The following ZNF142 variants were observed in gnomAD, a reference collection of about 807,000 sequenced individuals.
The protein encoded by ZNF142 is zinc finger protein 142 (clone pHZ-49).
ZNF142 carries 96 observed loss-of-function variants against 132.1 expected under a neutral mutation model. The ratio of observed to expected loss-of-function variants is 0.73; its 90% CI spans 0.62 to 0.86. The LOEUF (loss-of-function observed/expected upper bound fraction) is 0.86, where lower values mean the gene tolerates loss of function less well. Ranked by LOEUF, ZNF142 falls within the 40% of genes least tolerant of loss-of-function variation. The probability of loss-of-function intolerance (pLI) is 0.00; values close to 1 mark genes in which losing one functional copy is unlikely to be tolerated. For missense variants in ZNF142, 2,163 were observed against 2,336.2 expected (o/e 0.93, Z 1.53); for synonymous variants, 842 against 890.1 (o/e 0.95, Z 0.96).
chr2:218,645,623 A>G (rs1697664753), intron 8 of ZNF142, among the ~76,000 whole-genome samples: 1 of 152,204 alleles, frequency 6.6e-6, no homozygotes, highest in Non-Finnish European at 1.5e-5. Flanking sequence ...CTCTAGGCCT[A>G]TACTGTAGGT....
At position 218,636,548 on chromosome 2, in the gene ZNF142, C is replaced by CA. The variant is rs1297203682; in HGVS notation, c.*1790dup. ...TTCCATCTTTGTGTATATCTGCATC[C>CA]AGGAAGGCCTGGAGGGGGATGAGTC... On this transcript the variant is annotated 3_prime_UTR_variant, in exon 11 of 11. Coordinates refer to ENST00000411696, the MANE Select transcript of ZNF142 (RefSeq NM_001379659.1). 1.2e-6 allele frequency: 2 copies of CA among 1,613,970 alleles called. No homozygotes were observed. Among genetic ancestry groups the CA allele is most frequent in the Non-Finnish European group, 1.7e-6 (2 of 1,179,888 alleles).
In ZNF142 at chr2:218,644,064, A is replaced by G. The variant is rs1034615802; in HGVS notation, c.3052T>C (p.Leu1018=). Residue 1018 remains leucine (L), a synonymous_variant, in exon 9 of 11, where the codon TTG becomes CTG. Transcript: ENST00000411696. The surrounding 1 kb of genome is among the most constrained non-coding windows in gnomAD (Gnocchi z 4.6). ...ATCTGCACCCGCCCCTCTAGCACCA[A>G]TGCCTCTGCTTGTTCTTTGTCCTGT... ...RRQDKEQAEA[L]VLEGRVQMVV... is the part of the protein sequence containing the mutation. The G allele has an allele frequency of 1.9e-6, 3 of 1,613,968 alleles. No individual in the cohort carries two copies. Among genetic ancestry groups the G allele is most frequent in the African/African-American group, 1.3e-5 (1 of 74,968 alleles).
rs939598482 is a variant in ZNF142 at position 218,635,824 on chromosome 2, T to C, written c.*2515A>G. 45 of 1,613,470 alleles carry C rather than the reference T, an allele frequency of 2.8e-5. No individual in the cohort carries two copies. Among genetic ancestry groups the C allele is most frequent in the Admixed American group, 3.3e-5 (2 of 59,944 alleles). On this transcript the variant is annotated 3_prime_UTR_variant, in exon 11 of 11. Transcript: ENST00000411696. Reference sequence around the variant, plus strand: ...ATCAGCGGTCAGCAACTCCCCAAAGTGGACAAGACCAAAGAGGGGTCCATT... The same window carrying C: ...ATCAGCGGTCAGCAACTCCCCAAAGCGGACAAGACCAAAGAGGGGTCCATT...
Position 218,650,414 on chromosome 2 carries a change from G to A in ZNF142, c.993C>T (p.Thr331=). The A allele has an allele frequency of 6.2e-7, 1 of 1,614,088 alleles. No homozygotes were observed. The highest frequency in any genetic ancestry group is 8.5e-7 in the Non-Finnish European group (1 of 1,180,012). ...CCACAGCCTTTTGGGAGTCCTTCTG[G>A]GTGTCACTCTTCTCTTCTTTCTCTA... ...ENVEKEEKSD[T]QKDSQKAVDK... is the part of the protein sequence containing the mutation. The change falls in exon 6 of 11, where the codon ACC becomes ACT. Residue 331 remains threonine, a synonymous_variant. Transcript: ENST00000411696.
rs768672820 is a variant in ZNF142 at position 218,643,991 on chromosome 2, G to A, written c.3125C>T (p.Pro1042Leu). 1.7e-5 allele frequency: 28 copies of A among 1,614,028 alleles called. No homozygotes were observed. In the East Asian group the frequency reaches 5.8e-4, roughly 33 times the overall value. Residue 1042 changes from proline (P) to leucine (L), a missense_variant, in exon 9 of 11, where the codon CCT (proline) becomes CTT (leucine). Pro to Leu is a moderately conservative substitution (Grantham distance 98). This residue lies in a region of ZNF142 where 809 missense variants were observed against 801.7 expected (regional missense o/e 1.01). Transcript: ENST00000411696. ...EGRAFRCPHC[P>L]FITRREKALN... is the part of the protein sequence containing the mutation. ...GGCCTTCTCCCGGCGAGTGATAAAAGGGCAGTGTGGGCAGCGGAAGGCTCG... is the reference window on the plus strand; with the variant it reads ...GGCCTTCTCCCGGCGAGTGATAAAAAGGCAGTGTGGGCAGCGGAAGGCTCG...
Position 218,643,725 on chromosome 2 carries a change from G to C in ZNF142, c.3391C>G (p.Gln1131Glu), listed in dbSNP as rs573632852. ...TTTGGAAGCAGTAGCTCTGCTTCTT[G>C]TGATGCAGGTGGGGGCTTCCCACTT... ...TESGKPPPAS[Q>E]EAELLLPKDA... Residue 1131 changes from glutamine to glutamate, a missense_variant, in exon 9 of 11, where the codon CAA becomes GAA. Transcript: ENST00000411696. 3.7e-6 allele frequency: 6 copies of C among 1,605,858 alleles called. No individual in the cohort carries two copies. The East Asian group carries it at 1.3e-4, about 36-fold the overall frequency.
intron 5 of ZNF142, among the ~76,000 whole-genome samples, chr2:218,651,311 C>G (rs1475446658): frequency 1.3e-5 from 2 of 152,188 alleles, no homozygotes; most frequent in Non-Finnish European, 2.9e-5. Flanking sequence ...TAAAATAACC[C>G]TGGCTTCTAC....
chr2:218,646,490 C>CAAA (rs1697743327), intron 7 of ZNF142, 142 bp from the exon 8 acceptor site: 2 of 930,176 alleles, frequency 2.2e-6, no homozygotes, highest in Non-Finnish European at 3.1e-6. Flanking sequence ...GAAAACCTCA[C>CAAA]AATAATAAAG....
At chr2:218,655,799 G>A (rs1399656746) in intron 4 of ZNF142, among the ~76,000 whole-genome samples, 2 of 152,184 alleles carry the variant, frequency 1.3e-5, no homozygotes, top group Non-Finnish European at 2.9e-5. Context: ...ATCCCTGGCT[G>A]CAGTTCCTGG....
Position 218,637,685 on chromosome 2 carries a change from C to A in ZNF142, c.*654G>T, listed in dbSNP as rs984499494. On this transcript the variant is annotated 3_prime_UTR_variant, in exon 11 of 11. Coordinates refer to ENST00000411696, the MANE Select transcript of ZNF142 (RefSeq NM_001379659.1). ...GGAGGCTTAGTGGGTAGCAATCCTC[C>A]CTCTATAGATACAGGTAGACAAAGG... 1.3e-5 allele frequency among the ~76,000 whole-genome samples: 2 copies of A among 152,062 alleles called. No individual in the cohort carries two copies. The highest frequency in any genetic ancestry group is 2.4e-5 in the African/African-American group (1 of 41,396).
intron 7 of ZNF142, among the ~76,000 whole-genome samples, chr2:218,647,860 T>G (rs963325784): frequency 6.6e-6 from 1 of 152,200 alleles, no homozygotes; most frequent in Non-Finnish European, 1.5e-5. Context: ...AGTTTGTCTC[T>G]TTTCTCATCT....
At chr2:218,658,212 T>A (rs1005321294) in intron 3 of ZNF142, among the ~76,000 whole-genome samples, 1 of 152,052 alleles carries the variant, frequency 6.6e-6, no homozygotes, top group African/African-American at 2.4e-5. Flanking sequence ...CTTCATGAAA[T>A]TGAGTCACAG....
intron 7 of ZNF142, among the ~76,000 whole-genome samples, chr2:218,647,751 C>T (rs987143807): frequency 6.6e-6 from 1 of 152,146 alleles, no homozygotes; most frequent in Non-Finnish European, 1.5e-5. Context: ...TCCTTGTTGT[C>T]CCTGCCCACT....
chr2:218,651,778 T>C lies in ZNF142; in HGVS notation c.803A>G (p.His268Arg). 1 of 1,289,874 alleles carries C rather than the reference T, an allele frequency of 7.8e-7. No individual in the cohort carries two copies. The highest frequency in any genetic ancestry group is 1.0e-6 in the Non-Finnish European group (1 of 988,886). The allele number at this position is 1,289,874 out of a possible 1,614,324, so 79.9% of individuals were successfully genotyped here. Residue 268 changes from histidine to arginine, a missense_variant, in exon 5 of 11, where the codon CAT (histidine) becomes CGT (arginine). Coordinates refer to ENST00000411696, the MANE Select transcript of ZNF142 (RefSeq NM_001379659.1). ...IGSNVKLFRQ[H>R]QRSHGAGTQG... ...TGTCCCAGCACCATGGCTCCGCTGATGCTGCCGGAAGAGTTTGACGTTGGA... is the reference window on the plus strand; with the variant it reads ...TGTCCCAGCACCATGGCTCCGCTGACGCTGCCGGAAGAGTTTGACGTTGGA...
chr2:218,637,441 A>C lies in ZNF142; in HGVS notation c.*898T>G, dbSNP rs533057170. ...GTCTGTTGTCCCAGCATAATTATTAATAGTACCCTCTTTAAGTTTTCCCAG... is the reference window on the plus strand; with the variant it reads ...GTCTGTTGTCCCAGCATAATTATTACTAGTACCCTCTTTAAGTTTTCCCAG... On this transcript the variant is annotated 3_prime_UTR_variant, in exon 11 of 11. Transcript: ENST00000411696. Among the ~76,000 whole-genome samples the C allele has an allele frequency of 6.6e-6, 1 of 152,350 alleles. No individual in the cohort carries two copies. Among genetic ancestry groups the C allele is most frequent in the South Asian group, 2.1e-4 (1 of 4,820 alleles).
Position 218,638,229 on chromosome 2 carries a change from AC to A in ZNF142, c.*109del. Reference sequence around the variant, plus strand: ...CCAGGAAGGTTCTAGTCACCCTTGTACCCCAAAAGCCAGTCTTTCCTTAGGC... The same window carrying A: ...CCAGGAAGGTTCTAGTCACCCTTGTACCCAAAAGCCAGTCTTTCCTTAGGC... On this transcript the variant is annotated 3_prime_UTR_variant, in exon 11 of 11. Transcript: ENST00000411696. 2 of 1,125,134 alleles carry A rather than the reference AC, an allele frequency of 1.8e-6. No homozygotes were observed. The highest frequency in any genetic ancestry group is 3.2e-5 in the African/African-American group (2 of 63,260). 69.7% of individuals were successfully genotyped at this position (1,125,134 alleles called of 1,614,324 possible). A position where few individuals can be genotyped will look rare whatever the true frequency, so the allele number is the denominator to read the frequency against.
At chr2:218,653,078 A>G (rs1407390092) in intron 4 of ZNF142, among the ~76,000 whole-genome samples, 6 of 152,124 alleles carry the variant, frequency 3.9e-5, no homozygotes, top group African/African-American at 1.2e-4. Context: ...CAGGAGATCG[A>G]GACCATCCTG....
Position 218,635,738 on chromosome 2 carries a change from G to A in ZNF142, c.*2601C>T. 6.4e-7 allele frequency: 1 copy of A among 1,568,374 alleles called. No homozygotes were observed. Among genetic ancestry groups the A allele is most frequent in the Non-Finnish European group, 8.7e-7 (1 of 1,155,568 alleles). On this transcript the variant is annotated 3_prime_UTR_variant, in exon 11 of 11. Transcript: ENST00000411696. ...TTCTTCTCCCCTGGGGTTGGGAGTA[G>A]GGTCGGGTGGGGCTGGGCTGAGCAG...
Position 218,634,016 on chromosome 2 carries a change from A to G in ZNF142, c.*4323T>C. On this transcript the variant is annotated 3_prime_UTR_variant, in exon 11 of 11. Transcript: ENST00000411696. This position sits in a 1 kb window ranked among gnomAD's most constrained non-coding sequence, Gnocchi z 4.0. ...CTGGAGCCAGCTTCAGATGCTGGAG[A>G]GAAGGGTGAAGAGTAGGCATGGTCC... 1 of 1,495,640 alleles carries G rather than the reference A, an allele frequency of 6.7e-7. No individual in the cohort carries two copies. The highest frequency in any genetic ancestry group is 1.3e-5 in the South Asian group (1 of 78,116). 92.6% of individuals were successfully genotyped at this position (1,495,640 alleles called of 1,614,324 possible).
Sources: gnomAD v4.1 joint callset for allele counts (sites outside exome capture counted in the v4.1 genomes callset) on GRCh38, gnomAD v4.1.1 for gene constraint, gnomAD v4.1.1 regional missense constraint, Gnocchi (gnomAD v3.1) non-coding constraint, MANE v1.5 for transcripts, NCBI Gene and HGNC (gene_info 2026-07-23, HGNC 2026-07-21) for gene names.